The following PCDHA12 variants were observed in gnomAD, a reference collection of about 807,000 sequenced individuals.
PCDHA12 encodes protocadherin alpha 12.
A neutral mutation model predicts 60.0 loss-of-function variants in PCDHA12; 44 were observed. The ratio of observed to expected loss-of-function variants is 0.73; its 90% confidence interval spans 0.58 to 0.94. The LOEUF (loss-of-function observed/expected upper bound fraction) is 0.94. PCDHA12 is among the 40% of genes least tolerant of loss of function. The pLI is 0.00. For synonymous variants in PCDHA12, 569 were observed against 553.0 expected (o/e 1.03, Z -0.40); for missense variants, 1,276 against 1,239.7 (o/e 1.03, Z -0.44).
In PCDHA12 at chr5:140,923,435, G is replaced by A. The variant is rs186360462; in HGVS notation, c.2367+45596G>A. 5.3e-3 allele frequency among the ~76,000 whole-genome samples: 803 copies of A among 152,184 alleles called. 3 individuals are homozygous for A. Among genetic ancestry groups the A allele is most frequent in the Non-Finnish European group, 8.4e-3 (569 of 67,990 alleles). ...CCTGGCTACTTGGGAGGCTGGGGTG[G>A]GAGGATCACCTGAGCCCAGAGAGGT... On this transcript the variant is annotated intron_variant, in intron 1 of 3. Transcript: ENST00000398631.
chr5:140,906,382 G>A (rs1384682039), intron 1 of PCDHA12, among the ~76,000 whole-genome samples: 2 of 152,072 alleles, frequency 1.3e-5, no homozygotes, highest in Non-Finnish European at 2.9e-5. Context: ...ATTACATAAA[G>A]TTAACATTTA....
At chr5:140,905,842 T>C (rs2072141061) in intron 1 of PCDHA12, among the ~76,000 whole-genome samples, 1 of 152,148 alleles carries the variant, frequency 6.6e-6, no homozygotes, top group Non-Finnish European at 1.5e-5. Flanking sequence ...GGGGAGTTTA[T>C]TAAGGAGTAT....
At chr5:140,931,235 C>T (rs1563126725) in intron 1 of PCDHA12, among the ~76,000 whole-genome samples, 1 of 152,116 alleles carries the variant, frequency 6.6e-6, no homozygotes, top group Non-Finnish European at 1.5e-5. Flanking sequence ...AATATGTGAA[C>T]ACTTTTCCTA....
intron 1 of PCDHA12, chr5:140,967,470 C>T (rs1554229592): frequency 1.2e-6 from 2 of 1,613,462 alleles, no homozygotes; most frequent in Non-Finnish European, 8.5e-7. Context: ...GGGGGCATCC[C>T]AGCCCGCTCG....
chr5:140,927,493 C>G, intron 1 of PCDHA12: 1 of 1,614,144 alleles, frequency 6.2e-7, no homozygotes. Flanking sequence ...CACCCACCTG[C>G]TGGTGCTTAC....
intron 1 of PCDHA12, among the ~76,000 whole-genome samples, chr5:140,881,751 A>G (rs974973794): frequency 6.6e-6 from 1 of 152,206 alleles, no homozygotes; most frequent in Non-Finnish European, 1.5e-5. Flanking sequence ...GGACAGTACC[A>G]CAAAAACCTA....
chr5:140,905,154 A>C (rs2071632233), intron 1 of PCDHA12, among the ~76,000 whole-genome samples: 1 of 152,040 alleles, frequency 6.6e-6, no homozygotes, highest in Admixed American at 6.6e-5. Context: ...ATATTTTAGA[A>C]TTTTCATGGT....
chr5:140,933,379 G>T (rs1403607512), intron 1 of PCDHA12, among the ~76,000 whole-genome samples: 1 of 151,928 alleles, frequency 6.6e-6, no homozygotes, highest in Non-Finnish European at 1.5e-5. Flanking sequence ...TTCCTTGGCT[G>T]TTCCTAGAGC....
chr5:140,900,271 G>A (rs1055315411), intron 1 of PCDHA12, among the ~76,000 whole-genome samples: 2 of 151,762 alleles, frequency 1.3e-5, no homozygotes, highest in Non-Finnish European at 2.9e-5. Flanking sequence ...TTGTGTATAT[G>A]TACCACACTT....
chr5:140,884,123 C>A (rs1360744073), intron 1 of PCDHA12: 4 of 1,613,232 alleles, frequency 2.5e-6, no homozygotes, highest in Non-Finnish European at 3.4e-6. Context: ...GGTCGGCGCG[C>A]GCATCCCGTT....
chr5:140,941,239 C>CTTTCTTTCTTTCTT (rs2092937531), intron 1 of PCDHA12, among the ~76,000 whole-genome samples: 2 of 134,500 alleles, frequency 1.5e-5, no homozygotes, highest in Non-Finnish European at 1.6e-5. Context: ...TTCTTTCTTT[C>CTTTCTTTCTTTCTT]TTTCTTTCTT....
At chr5:140,994,563 G>A (rs1554254253) in intron 3 of PCDHA12, among the ~76,000 whole-genome samples, 1 of 151,976 alleles carries the variant, frequency 6.6e-6, no homozygotes, top group Non-Finnish European at 1.5e-5. Flanking sequence ...AAATTAGCCG[G>A]GTGTGGTGGC....
At chr5:140,887,029 T>C (rs1308343052) in intron 1 of PCDHA12, among the ~76,000 whole-genome samples, 1 of 152,140 alleles carries the variant, frequency 6.6e-6, no homozygotes, top group Non-Finnish European at 1.5e-5. Flanking sequence ...AAAAATTTCT[T>C]TAATATTTTT....
chr5:140,962,557 C>A (rs1554226125), intron 1 of PCDHA12, among the ~76,000 whole-genome samples: 2 of 152,112 alleles, frequency 1.3e-5, no homozygotes, highest in Admixed American at 6.6e-5. Flanking sequence ...AGGATCTCCC[C>A]CTAAAAGCCA....
intron 1 of PCDHA12, among the ~76,000 whole-genome samples, chr5:140,938,831 A>G (rs782069247): frequency 2.0e-5 from 3 of 152,118 alleles, no homozygotes; most frequent in Non-Finnish European, 4.4e-5. Flanking sequence ...AGTTTGCGTT[A>G]TAACAAACCT....
At chr5:140,960,112 T>C (rs145534809) in intron 1 of PCDHA12, among the ~76,000 whole-genome samples, 45 of 152,352 alleles carry the variant, frequency 3.0e-4, no homozygotes, top group Non-Finnish European at 4.3e-4. Flanking sequence ...GTGGGAACAA[T>C]AGTATTCCTT....
chr5:140,953,871 A>G (rs2094944952), intron 1 of PCDHA12, among the ~76,000 whole-genome samples: 1 of 152,146 alleles, frequency 6.6e-6, no homozygotes, highest in African/African-American at 2.4e-5. Context: ...TTTGCTGCAC[A>G]GATCAACCCA....
intron 1 of PCDHA12, among the ~76,000 whole-genome samples, chr5:140,931,344 A>G (rs1233861770): frequency 6.6e-6 from 1 of 151,910 alleles, no homozygotes; most frequent in East Asian, 1.9e-4. Flanking sequence ...GGAGTGAGGA[A>G]TTTTTTTTAG....
rs114851794 is a variant in PCDHA12, at chr5:140,908,247, A to G, written c.2367+30408A>G. ...GTCCTTAGTCTTCTCTTCCTCATCA[A>G]CTGATCATAGGGAACTCCCCATGAG... On this transcript the variant is annotated intron_variant, in intron 1 of 3. Coordinates refer to ENST00000398631, the MANE Select transcript of PCDHA12 (RefSeq NM_018903.4). Among the ~76,000 whole-genome samples, 435 of 152,170 alleles carry G rather than the reference A, an allele frequency of 2.9e-3. 1 individual carries two copies. Among genetic ancestry groups the G allele is most frequent in the African/African-American group, 9.6e-3 (400 of 41,506 alleles).
Sources: gnomAD v4.1 joint callset for allele counts (sites outside exome capture counted in the v4.1 genomes callset) on GRCh38, gnomAD v4.1.1 for gene constraint, MANE v1.5 for transcripts, NCBI Gene and HGNC (gene_info 2026-07-23, HGNC 2026-07-21) for gene names.